CACNA2D3: variants seen among roughly 807,000 people sequenced by gnomAD.
CACNA2D3 encodes calcium voltage-gated channel auxiliary subunit alpha2delta 3.
Under a neutral mutation model 160.6 loss-of-function variants are expected in CACNA2D3, and 60 were observed. The ratio of observed to expected loss-of-function variants is 0.37; its 90% confidence interval spans 0.30 to 0.46. The LOEUF (loss-of-function observed/expected upper bound fraction) is 0.46. Ranked by LOEUF, CACNA2D3 falls within the 20% of genes least tolerant of loss-of-function variation. The pLI is 1.00. For synonymous variants in CACNA2D3, 558 were observed against 492.9 expected, an observed-to-expected ratio of 1.13 and a Z score of -1.75; for missense variants, 1,205 against 1,365.0, an observed-to-expected ratio of 0.88 and a Z score of 1.85.
intron 2 of CACNA2D3, among the ~76,000 whole-genome samples, chr3:54,240,314 C>T (rs1701952830): frequency 6.6e-6 from 1 of 152,082 alleles, no homozygotes; most frequent in Non-Finnish European, 1.5e-5. Context: ...GTCAAAATCC[C>T]AGCATTTGGG....
At chr3:54,506,132 G>T (rs991355914) in intron 5 of CACNA2D3, among the ~76,000 whole-genome samples, 1 of 152,058 alleles carries the variant, frequency 6.6e-6, no homozygotes, top group African/African-American at 2.4e-5. Flanking sequence ...GCAAATTCCT[G>T]TCTCCACTCT....
chr3:54,872,029 A>G (rs1350290342), intron 18 of CACNA2D3, among the ~76,000 whole-genome samples: 5 of 152,190 alleles, frequency 3.3e-5, no homozygotes, highest in Non-Finnish European at 7.3e-5. Flanking sequence ...CTGGGCAGCA[A>G]GAATTCACCT....
rs751161226 is a variant in CACNA2D3 at position 55,003,268 on chromosome 3, T to G, written c.2691-1495T>G. On this transcript the variant is annotated intron_variant, in intron 31 of 37. Transcript: ENST00000474759. The stretch of plus-strand genomic sequence containing the variant: ...ACTCAGGCTCGACTTTACATGTCTC[T>G]CCTTTGGGCTGCTACTCATGGCAGG... Among the ~76,000 whole-genome samples, 204 of 152,180 alleles carry G rather than the reference T, an allele frequency of 1.3e-3. 2 individuals are homozygous for G. The highest frequency in any genetic ancestry group is 4.3e-4 in the Non-Finnish European group (29 of 68,042).
At chr3:54,290,159 T>A (rs887766907) in intron 2 of CACNA2D3, among the ~76,000 whole-genome samples, 41 of 152,050 alleles carry the variant, frequency 2.7e-4, no homozygotes, top group Non-Finnish European at 5.3e-4. Flanking sequence ...AACCTACTTA[T>A]CTGACAAAGG....
intron 8 of CACNA2D3, among the ~76,000 whole-genome samples, chr3:54,578,744 C>T (rs1032125481): frequency 2.0e-5 from 3 of 152,250 alleles, no homozygotes; most frequent in African/African-American, 7.2e-5. Flanking sequence ...ATAGCACACA[C>T]AGTGCTGGCA....
At chr3:54,533,558 C>G (rs781265345) in intron 5 of CACNA2D3, among the ~76,000 whole-genome samples, 9 of 152,054 alleles carry the variant, frequency 5.9e-5, no homozygotes, top group Non-Finnish European at 1.2e-4. Context: ...TAGTCTCGAA[C>G]TCCTGACCTC....
At chr3:54,218,919 C>T (rs1055816763) in intron 2 of CACNA2D3, among the ~76,000 whole-genome samples, 1 of 152,178 alleles carries the variant, frequency 6.6e-6, no homozygotes, top group African/African-American at 2.4e-5. Flanking sequence ...ACACTGAGTC[C>T]ACCCAGATAA....
intron 5 of CACNA2D3, among the ~76,000 whole-genome samples, chr3:54,516,577 A>G (rs531588006): frequency 1.3e-5 from 2 of 152,300 alleles, no homozygotes; most frequent in South Asian, 4.2e-4. Context: ...CACATCTTAG[A>G]GATCAATAAA....
chr3:54,807,582 T>C (rs1329320800), intron 13 of CACNA2D3, among the ~76,000 whole-genome samples: 1 of 151,742 alleles, frequency 6.6e-6, no homozygotes, highest in African/African-American at 2.4e-5. Context: ...TGTGGAGAAA[T>C]AGGAACACTT....
intron 4 of CACNA2D3, among the ~76,000 whole-genome samples, chr3:54,494,152 T>C (rs1701160651): frequency 6.6e-6 from 1 of 152,216 alleles, no homozygotes; most frequent in South Asian, 2.1e-4. Flanking sequence ...TCGGATGACA[T>C]GGGGAACAAG....
At chr3:54,603,649 A>C (rs551156622) in intron 9 of CACNA2D3, among the ~76,000 whole-genome samples, 16 of 152,368 alleles carry the variant, frequency 1.1e-4, no homozygotes, top group Non-Finnish European at 2.1e-4. Context: ...TTTCATACAG[A>C]CATGCTGGGA....
chr3:54,918,281 A>T, intron 27 of CACNA2D3: 1 of 652,676 alleles, frequency 1.5e-6, no homozygotes. Context: ...TAAAAATCGC[A>T]ACATAAATTC....
chr3:54,545,854 T>A (rs528386675), intron 5 of CACNA2D3, among the ~76,000 whole-genome samples: 2 of 152,322 alleles, frequency 1.3e-5, no homozygotes, highest in African/African-American at 4.8e-5. Context: ...CCCTGTGGTC[T>A]TTATTCTGGC....
chr3:54,446,048 A>G (rs1412730893), intron 4 of CACNA2D3, among the ~76,000 whole-genome samples: 1 of 152,218 alleles, frequency 6.6e-6, no homozygotes, highest in Admixed American at 6.5e-5. Context: ...ATCCAGGAGT[A>G]GGTTGGACTG....
chr3:55,036,481 T>G (rs2107184786), intron 35 of CACNA2D3, among the ~76,000 whole-genome samples: 1 of 152,156 alleles, frequency 6.6e-6, no homozygotes, highest in South Asian at 2.1e-4. Flanking sequence ...ATTTTTTATT[T>G]TTTTGAGACG....
At chr3:54,883,815 C>T (rs376852944) in intron 21 of CACNA2D3, among the ~76,000 whole-genome samples, 108 of 142,582 alleles carry the variant, frequency 7.6e-4, no homozygotes, top group South Asian at 3.3e-3. Context: ...CTCTCTCTCT[C>T]TCTCTCTCCT....
At chr3:54,799,634 G>C (rs569049999) in intron 13 of CACNA2D3, among the ~76,000 whole-genome samples, 2 of 152,292 alleles carry the variant, frequency 1.3e-5, no homozygotes, top group East Asian at 3.9e-4. Context: ...TTTTAATGCT[G>C]CCTTTTGTAG....
chr3:54,157,835 C>CCAAAAAA (rs749735814), intron 2 of CACNA2D3, among the ~76,000 whole-genome samples: 2 of 134,348 alleles, frequency 1.5e-5, no homozygotes, highest in African/African-American at 2.7e-5. Context: ...CCCAACCAAA[C>CCAAAAAA]AAAAAAAAAA....
chr3:54,523,975 A>G (rs953009730), intron 5 of CACNA2D3, among the ~76,000 whole-genome samples: 11 of 151,442 alleles, frequency 7.3e-5, no homozygotes, highest in African/African-American at 2.7e-4. Flanking sequence ...TTTCTCAAAT[A>G]TTTTTTTCTA....
Sources: allele counts gnomAD v4.1 joint callset (sites outside exome capture counted in the v4.1 genomes callset), GRCh38; gene constraint gnomAD v4.1.1; transcripts MANE v1.5; gene names NCBI Gene and HGNC (gene_info 2026-07-23, HGNC 2026-07-21).